WASF1: variants seen among roughly 807,000 people sequenced by gnomAD.
WASF1 encodes the protein actin-binding protein WASF1.
A neutral mutation model predicts 50.5 loss-of-function variants in WASF1; 7 were observed. The observed-to-expected ratio is 0.14, with a 90% CI of 0.08 to 0.26. WASF1 has a LOEUF of 0.26. WASF1 is among the 10% of genes least tolerant of loss of function. The pLI is 1.00. For synonymous variants in WASF1, 205 were observed against 244.0 expected, an observed-to-expected ratio of 0.84 and a Z score of 1.49; for missense variants, 470 against 694.7, an observed-to-expected ratio of 0.68 and a Z score of 3.64.
At chr6:110,108,503 G>C (rs754694057) in intron 6 of WASF1, 25 bp downstream of exon 6, 2 of 1,577,732 alleles carry the variant, frequency 1.3e-6, no homozygotes, top group Non-Finnish European at 1.7e-6. Context: ...TAAATAATAG[G>C]GCTACTATTT....
At chr6:110,144,895 C>T (rs796300447) in intron 3 of WASF1, among the ~76,000 whole-genome samples, 2,968 of 151,924 alleles carry the variant, frequency 0.02, 92 homozygotes, top group African/African-American at 0.067. Context: ...GGTAGCGTGA[C>T]GCCTCCAGCT....
chr6:110,173,555 T>C (rs370070801), intron 2 of WASF1, among the ~76,000 whole-genome samples: 2 of 152,162 alleles, frequency 1.3e-5, no homozygotes, highest in East Asian at 3.9e-4. Context: ...AGGACTCAGT[T>C]TGCTGGTTGA....
At chr6:110,166,487 A>G (rs1482335837) in intron 2 of WASF1, among the ~76,000 whole-genome samples, 1 of 151,936 alleles carries the variant, frequency 6.6e-6, no homozygotes, top group Non-Finnish European at 1.5e-5. Context: ...GAAAGTCAAC[A>G]TGAAATGAAA....
chr6:110,105,588 G>C lies in WASF1; in HGVS notation c.541-9C>G. 4 of 1,609,540 alleles carry C rather than the reference G, an allele frequency of 2.5e-6. No individual in the cohort carries two copies. The highest frequency in any genetic ancestry group is 3.4e-6 in the Non-Finnish European group (4 of 1,178,404). Reference sequence around the variant, plus strand: ...CGATCTAGATTTTTCTGCTATAACAGATGTATTGAAACAAAGTCAAATGCT... The same window carrying C: ...CGATCTAGATTTTTCTGCTATAACACATGTATTGAAACAAAGTCAAATGCT... On this transcript the variant is annotated splice_polypyrimidine_tract_variant and intron_variant, in intron 7 of 10. Coordinates refer to ENST00000392589, the MANE Select transcript of WASF1 (RefSeq NM_003931.3).
At chr6:110,115,122 C>A (rs199667116) in intron 4 of WASF1, among the ~76,000 whole-genome samples, 5,844 of 137,932 alleles carry the variant, frequency 0.042, 140 homozygotes, top group East Asian at 0.13. Flanking sequence ...AAAAAAAAAA[C>A]AAAACAGAAA....
Position 110,178,718 on chromosome 6 carries a change from C to CA in WASF1, c.-248dup, listed in dbSNP as rs530352421. On this transcript the variant is annotated 5_prime_UTR_variant, in exon 2 of 11. An upstream open reading frame in the 5' UTR gains an earlier in-frame stop. Transcript: ENST00000392589. ...CATCCGCAAGTGCAAGAGAAGGTGT[C>CA]AGAGTACCGAAGCTAGGGGGCATGC... 452 of 153,032 alleles carry CA rather than the reference C, an allele frequency of 3.0e-3. No individual in the cohort carries two copies. The highest frequency in any genetic ancestry group is 4.8e-3 in the Non-Finnish European group (328 of 68,238). 9.5% of individuals were successfully genotyped at this position (153,032 alleles called of 1,614,324 possible).
At chr6:110,153,206 T>C (rs1775902008) in intron 3 of WASF1, among the ~76,000 whole-genome samples, 2 of 152,222 alleles carry the variant, frequency 1.3e-5, no homozygotes, top group Admixed American at 1.3e-4. Context: ...GTTATACGTT[T>C]AGCTTTGTAA....
chr6:110,161,954 T>C (rs1438495612), intron 2 of WASF1, among the ~76,000 whole-genome samples: 1 of 151,520 alleles, frequency 6.6e-6, no homozygotes, highest in Admixed American at 6.6e-5. Context: ...ATGGAGGACT[T>C]TGTTATCACC....
chr6:110,109,718 A>G (rs1294404951), intron 5 of WASF1, among the ~76,000 whole-genome samples: 3 of 144,504 alleles, frequency 2.1e-5, no homozygotes, highest in Non-Finnish European at 4.6e-5. Flanking sequence ...TGGCCGACTA[A>G]TTTTTTTTTT....
At position 110,102,080 on chromosome 6, in the gene WASF1, T is replaced by C. The variant is rs765518478; in HGVS notation, c.1030A>G (p.Met344Val). ...ACTGGAGGGGGAGGAGTTGAAGTCA[T>C]TGAAGCTCTTAATGAGGAAGTTGAC... The part of the protein sequence containing the change: ...ALSTSSLRAS[M>V]TSTPPPPVPP... The change falls in exon 10 of 11, where the codon ATG becomes GTG. Residue 344 changes from methionine (M) to valine (V), a missense_variant. Met to Val is a conservative substitution (Grantham distance 21). This residue lies in a region of WASF1 where 294 missense variants were observed against 343.5 expected (regional missense o/e 0.86). Transcript: ENST00000392589. The C allele has an allele frequency of 3.0e-5, 46 of 1,508,324 alleles. No homozygotes were observed. In the South Asian group the frequency reaches 3.5e-4, roughly 12 times the overall value. The allele number at this position is 1,508,324 out of a possible 1,614,324, so 93.4% of individuals were successfully genotyped here. A position where few individuals can be genotyped will look rare whatever the true frequency, so the allele number is the denominator to read the frequency against.
intron 3 of WASF1, among the ~76,000 whole-genome samples, chr6:110,150,878 A>T (rs1775792589): frequency 6.6e-6 from 1 of 152,130 alleles, no homozygotes; most frequent in African/African-American, 2.4e-5. Flanking sequence ...TCTACTAAAA[A>T]TACAAAAAAT....
At chr6:110,104,463 A>G (rs1330567771) in intron 8 of WASF1, among the ~76,000 whole-genome samples, 1 of 152,172 alleles carries the variant, frequency 6.6e-6, no homozygotes, top group African/African-American at 2.4e-5. Context: ...ATATTACTTA[A>G]AAGAAAACCT....
intron 5 of WASF1, among the ~76,000 whole-genome samples, chr6:110,112,230 T>G (rs1583931726): frequency 6.6e-6 from 1 of 152,230 alleles, no homozygotes; most frequent in East Asian, 1.9e-4. Flanking sequence ...TATCATATAA[T>G]TTGTGTTTAT....
At chr6:110,171,475 C>T (rs1024368745) in intron 2 of WASF1, among the ~76,000 whole-genome samples, 2 of 152,010 alleles carry the variant, frequency 1.3e-5, no homozygotes, top group Non-Finnish European at 2.9e-5. Context: ...ACAGACGGTC[C>T]GCAGTTTATA....
At chr6:110,175,932 T>C in intron 2 of WASF1, among the ~76,000 whole-genome samples, 1 of 152,286 alleles carries the variant, frequency 6.6e-6, no homozygotes, top group East Asian at 1.9e-4. Flanking sequence ...AACATAATTT[T>C]ATAATTTCTT....
At chr6:110,137,500 T>C (rs1775022246) in intron 3 of WASF1, among the ~76,000 whole-genome samples, 1 of 152,238 alleles carries the variant, frequency 6.6e-6, no homozygotes, top group Admixed American at 6.5e-5. Context: ...GGAATGTGAT[T>C]ATGGGACCTC....
chr6:110,174,135 T>C (rs1373595135), intron 2 of WASF1, among the ~76,000 whole-genome samples: 4 of 152,148 alleles, frequency 2.6e-5, no homozygotes, highest in Non-Finnish European at 5.9e-5. Flanking sequence ...CAATCCCTCT[T>C]ACACTAAGCT....
intron 3 of WASF1, among the ~76,000 whole-genome samples, chr6:110,151,166 T>C (rs1024083306): frequency 1.3e-5 from 2 of 152,226 alleles, no homozygotes; most frequent in African/African-American, 4.8e-5. Context: ...CATACATACA[T>C]ACAGCTTTAG....
intron 10 of WASF1, among the ~76,000 whole-genome samples, chr6:110,101,158 T>TAG (rs1562159372): frequency 1.3e-5 from 2 of 152,194 alleles, no homozygotes; most frequent in East Asian, 3.8e-4. Context: ...CTTTCCTTTG[T>TAG]TACTAAGGGA....
Sources: gnomAD v4.1 joint callset for allele counts (sites outside exome capture counted in the v4.1 genomes callset) on GRCh38, gnomAD v4.1.1 for gene constraint, gnomAD v4.1.1 regional missense constraint, MANE v1.5 for transcripts, NCBI Gene and HGNC (gene_info 2026-07-23, HGNC 2026-07-21) for gene names.